The following SLC39A11 variants were observed in gnomAD, a reference collection of about 807,000 sequenced individuals.
The protein encoded by SLC39A11 is zinc transporter ZIP11.
Under a neutral mutation model 36.1 loss-of-function variants are expected in SLC39A11, and 33 were observed. That is an observed-to-expected ratio of 0.91 (90% CI 0.69 to 1.22). The LOEUF (loss-of-function observed/expected upper bound fraction) is 1.22, where lower values mean the gene tolerates loss of function less well. SLC39A11 is among the 50% of genes most tolerant of loss of function. The pLI, the probability that SLC39A11 is intolerant of heterozygous loss-of-function variation, is 0.00. For missense variants in SLC39A11, 432 were observed against 430.3 expected, an observed-to-expected ratio of 1.00 and a Z score of -0.03; for synonymous variants, 166 against 170.3, an observed-to-expected ratio of 0.97 and a Z score of 0.20.
At position 73,088,517 on chromosome 17, in the gene SLC39A11, C is replaced by T. The variant is rs542839167; in HGVS notation, c.108+140G>A. On this transcript the variant is annotated intron_variant, in intron 2 of 9. Coordinates refer to ENST00000255559, the MANE Select transcript of SLC39A11 (RefSeq NM_139177.4). ...AGAAGGTGAGAAAATAAGAAGACAG[C>T]GAACAAACCCCAGTACACAATGCCT... The T allele has an allele frequency of 4.7e-4, 296 of 631,816 alleles. 1 individual carries two copies. Among genetic ancestry groups the T allele is most frequent in the African/African-American group, 4.2e-3 (228 of 54,320 alleles). 39.1% of individuals were successfully genotyped at this position (631,816 alleles called of 1,614,324 possible). A position where few individuals can be genotyped will look rare whatever the true frequency, so the allele number is the denominator to read the frequency against.
chr17:72,716,582 G>T (rs1046491140), intron 7 of SLC39A11, among the ~76,000 whole-genome samples: 1 of 150,058 alleles, frequency 6.7e-6, no homozygotes, highest in African/African-American at 2.5e-5. Flanking sequence ...AAAAAAAATC[G>T]GAAACTTTAA....
intron 7 of SLC39A11, among the ~76,000 whole-genome samples, chr17:72,727,511 G>A (rs920956081): frequency 6.6e-6 from 1 of 151,990 alleles, no homozygotes; most frequent in Non-Finnish European, 1.5e-5. Context: ...AATCAGCCAG[G>A]CGTGGTGGCG....
chr17:72,972,511 C>A (rs1018358461), intron 4 of SLC39A11, among the ~76,000 whole-genome samples: 3 of 152,158 alleles, frequency 2.0e-5, no homozygotes, highest in African/African-American at 7.2e-5. Context: ...GCAAACACAG[C>A]GAGCTCTTTA....
intron 5 of SLC39A11, among the ~76,000 whole-genome samples, chr17:72,871,123 G>A (rs2080601097): frequency 1.3e-5 from 2 of 148,930 alleles, no homozygotes; most frequent in Non-Finnish European, 3.0e-5. Flanking sequence ...GTGCAGTGGT[G>A]CAATCCAGGC....
intron 7 of SLC39A11, among the ~76,000 whole-genome samples, chr17:72,733,837 T>C (rs920211321): frequency 6.6e-6 from 1 of 151,820 alleles, no homozygotes; most frequent in Non-Finnish European, 1.5e-5. Context: ...ACTGCCTTGG[T>C]GTATGAACCC....
chr17:72,924,374 A>G (rs1193957788), intron 5 of SLC39A11, among the ~76,000 whole-genome samples: 1 of 152,098 alleles, frequency 6.6e-6, no homozygotes, highest in Non-Finnish European at 1.5e-5. Flanking sequence ...AGTGGCCTGT[A>G]ATTAAATCCA....
At chr17:72,804,045 G>T (rs1309472363) in intron 6 of SLC39A11, among the ~76,000 whole-genome samples, 1 of 152,092 alleles carries the variant, frequency 6.6e-6, no homozygotes, top group Admixed American at 6.6e-5. Context: ...GCTCAGGCTG[G>T]AGTGCACTGG....
chr17:72,755,029 G>A (rs1181329974), intron 6 of SLC39A11, among the ~76,000 whole-genome samples: 1 of 149,978 alleles, frequency 6.7e-6, no homozygotes, highest in African/African-American at 2.5e-5. Flanking sequence ...CCACAGGATA[G>A]CCCTAACAAT....
At chr17:72,738,825 G>C (rs1182493709) in intron 6 of SLC39A11, among the ~76,000 whole-genome samples, 1 of 152,152 alleles carries the variant, frequency 6.6e-6, no homozygotes, top group Non-Finnish European at 1.5e-5. Flanking sequence ...TCTTAGTACA[G>C]CGCATTTCTT....
intron 4 of SLC39A11, among the ~76,000 whole-genome samples, chr17:72,981,985 G>A (rs2088354764): frequency 6.6e-6 from 1 of 152,148 alleles, no homozygotes; most frequent in Admixed American, 6.5e-5. Flanking sequence ...GCACACATCT[G>A]TAATCCCAGC....
At chr17:72,914,867 C>CATAAATAA (rs374560040) in intron 5 of SLC39A11, among the ~76,000 whole-genome samples, 16 of 149,324 alleles carry the variant, frequency 1.1e-4, no homozygotes, top group African/African-American at 2.9e-4. Context: ...GACTCTGTCT[C>CATAAATAA]ATAAATAAAT....
intron 5 of SLC39A11, among the ~76,000 whole-genome samples, chr17:72,902,223 A>T (rs1215401997): frequency 6.6e-6 from 1 of 151,956 alleles, no homozygotes; most frequent in Non-Finnish European, 1.5e-5. Flanking sequence ...GTGATCCGAG[A>T]TCATGCCATT....
chr17:73,033,364 T>G (rs150000559), intron 3 of SLC39A11, among the ~76,000 whole-genome samples: 9 of 152,020 alleles, frequency 5.9e-5, no homozygotes, highest in African/African-American at 2.2e-4. Flanking sequence ...GGTAGAAACA[T>G]GAAGGAGAAG....
chr17:72,991,211 G>A (rs1326371986), intron 4 of SLC39A11, among the ~76,000 whole-genome samples: 1 of 151,986 alleles, frequency 6.6e-6, no homozygotes, highest in Non-Finnish European at 1.5e-5. Flanking sequence ...GCTTTATAAC[G>A]CTATTTTTAC....
intron 3 of SLC39A11, among the ~76,000 whole-genome samples, chr17:73,071,572 G>A (rs926670206): frequency 2.0e-5 from 3 of 152,150 alleles, no homozygotes; most frequent in East Asian, 1.9e-4. Flanking sequence ...CAGTGGTCCC[G>A]ATGGTTCTTG....
intron 4 of SLC39A11, among the ~76,000 whole-genome samples, chr17:72,951,149 C>T (rs1191565419): frequency 1.3e-5 from 2 of 150,436 alleles, no homozygotes; most frequent in East Asian, 4.0e-4. Flanking sequence ...TAGTCTCAAG[C>T]TACTTGGGAG....
chr17:72,982,605 T>G (rs2088409457), intron 4 of SLC39A11, among the ~76,000 whole-genome samples: 1 of 152,234 alleles, frequency 6.6e-6, no homozygotes, highest in South Asian at 2.1e-4. Flanking sequence ...CTTCAGATTT[T>G]GTTTCTTTAA....
chr17:73,033,758 G>A (rs2058815525), intron 3 of SLC39A11, among the ~76,000 whole-genome samples: 1 of 152,168 alleles, frequency 6.6e-6, no homozygotes, highest in African/African-American at 2.4e-5. Context: ...ATTATGCCTT[G>A]CCTTAAAAAA....
intron 7 of SLC39A11, among the ~76,000 whole-genome samples, chr17:72,705,999 G>C (rs1490063550): frequency 6.6e-6 from 1 of 152,096 alleles, no homozygotes; most frequent in Non-Finnish European, 1.5e-5. Flanking sequence ...GCTATTTTCT[G>C]GTCCCCAGGA....
Sources: allele counts gnomAD v4.1 joint callset (sites outside exome capture counted in the v4.1 genomes callset), GRCh38; gene constraint gnomAD v4.1.1; transcripts MANE v1.5; gene names NCBI Gene and HGNC (gene_info 2026-07-23, HGNC 2026-07-21).